Variants in LRRTM4 observed in about 807,000 individuals in gnomAD.
The protein encoded by LRRTM4 is leucine rich repeat transmembrane neuronal 4.
LRRTM4 carries 25 observed loss-of-function variants against 47.6 expected under a neutral mutation model. The observed-to-expected ratio is 0.53, with a 90% CI of 0.38 to 0.73. LRRTM4 has a LOEUF of 0.73. LRRTM4 is among the 30% of genes least tolerant of loss of function. LRRTM4 has a pLI of 0.00. For missense variants in LRRTM4, 638 were observed against 713.4 expected (o/e 0.89, Z 1.20); for synonymous variants, 311 against 269.5 (o/e 1.15, Z -1.51).
At chr2:77,048,728 A>G (rs1382412090) in intron 3 of LRRTM4, among the ~76,000 whole-genome samples, 1 of 151,890 alleles carries the variant, frequency 6.6e-6, no homozygotes, top group Non-Finnish European at 1.5e-5. Flanking sequence ...ATTCAGGGTA[A>G]TTAGCATATC....
At position 77,107,707 on chromosome 2, in the gene LRRTM4, A is replaced by T. The variant is rs376384596; in HGVS notation, c.1552-358791T>A. On this transcript the variant is annotated intron_variant, in intron 3 of 3. Coordinates refer to ENST00000409884, the MANE Select transcript of LRRTM4 (RefSeq NM_001134745.3). The stretch of plus-strand genomic sequence containing the variant: ...GTGATGCATGCCTGTAATCCTAGCT[A>T]CTTGGGAGGCTGAGGCAGGAGAATT... 4.3e-4 allele frequency among the ~76,000 whole-genome samples: 65 copies of T among 151,734 alleles called. No individual in the cohort carries two copies. The East Asian group carries it at 4.5e-3, about 11-fold the overall frequency.
chr2:77,036,357 G>C (rs1287038931), intron 3 of LRRTM4, among the ~76,000 whole-genome samples: 1 of 151,554 alleles, frequency 6.6e-6, no homozygotes, highest in Non-Finnish European at 1.5e-5. Flanking sequence ...CTAGTTTAGG[G>C]TATTTCTTCC....
chr2:77,246,452 T>C (rs978122693), intron 3 of LRRTM4, among the ~76,000 whole-genome samples: 3 of 152,182 alleles, frequency 2.0e-5, no homozygotes, highest in Non-Finnish European at 4.4e-5. Context: ...AATTGGCACA[T>C]GTGAATATTA....
intron 3 of LRRTM4, among the ~76,000 whole-genome samples, chr2:76,763,799 G>A (rs954443380): frequency 8.5e-5 from 13 of 152,226 alleles, no homozygotes; most frequent in Admixed American, 3.9e-4. Context: ...ATTCTGGTGC[G>A]GAATCACAAA....
At chr2:77,098,051 A>C (rs1670858753) in intron 3 of LRRTM4, among the ~76,000 whole-genome samples, 2 of 152,046 alleles carry the variant, frequency 1.3e-5, no homozygotes, top group African/African-American at 2.4e-5. Context: ...TGTGATGATA[A>C]ATTTGAAGAC....
intron 3 of LRRTM4, among the ~76,000 whole-genome samples, chr2:77,050,306 G>T (rs1285382044): frequency 4.6e-5 from 7 of 152,004 alleles, no homozygotes; most frequent in Non-Finnish European, 1.0e-4. Context: ...ACCACTTTTG[G>T]ATGGGCCACT....
chr2:77,188,354 CT>C (rs35595922), intron 3 of LRRTM4, among the ~76,000 whole-genome samples: 3 of 152,136 alleles, frequency 2.0e-5, no homozygotes, highest in Admixed American at 2.0e-4. Flanking sequence ...GGCTACTTTC[CT>C]TTTTCTCTAC....
chr2:76,829,765 G>A (rs1245056729), intron 3 of LRRTM4, among the ~76,000 whole-genome samples: 1 of 152,082 alleles, frequency 6.6e-6, no homozygotes. Flanking sequence ...GTATTCTGGT[G>A]TTTTAGCAGC....
At chr2:77,309,411 A>G (rs1282080744) in intron 3 of LRRTM4, among the ~76,000 whole-genome samples, 2 of 152,210 alleles carry the variant, frequency 1.3e-5, no homozygotes, top group African/African-American at 4.8e-5. Context: ...ATTGGTGCAG[A>G]TATGGCCATA....
chr2:77,373,440 G>A (rs1672723276), intron 3 of LRRTM4, among the ~76,000 whole-genome samples: 1 of 151,542 alleles, frequency 6.6e-6, no homozygotes, highest in Non-Finnish European at 1.5e-5. Context: ...AACATAGAAT[G>A]GGGCAGCTGT....
intron 3 of LRRTM4, among the ~76,000 whole-genome samples, chr2:77,450,490 C>T (rs973646881): frequency 6.6e-6 from 1 of 152,074 alleles, no homozygotes; most frequent in Non-Finnish European, 1.5e-5. Flanking sequence ...TTTATACAGT[C>T]TTTGATTCTG....
intron 3 of LRRTM4, among the ~76,000 whole-genome samples, chr2:76,961,483 AAAC>A (rs1675858523): frequency 6.6e-6 from 1 of 151,360 alleles, no homozygotes; most frequent in South Asian, 2.1e-4. Context: ...TGGCTACCTT[AAAC>A]AACATTTCAG....
chr2:76,843,254 T>C (rs570973850), intron 3 of LRRTM4, among the ~76,000 whole-genome samples: 28 of 152,154 alleles, frequency 1.8e-4, no homozygotes, highest in Non-Finnish European at 2.8e-4. Flanking sequence ...GGTTTGAAGT[T>C]TGTCCAGGGT....
At chr2:77,345,515 G>A (rs767751564) in intron 3 of LRRTM4, among the ~76,000 whole-genome samples, 2 of 151,832 alleles carry the variant, frequency 1.3e-5, no homozygotes, top group African/African-American at 2.4e-5. Context: ...CTCATTGAAG[G>A]AGATATACAG....
chr2:77,182,587 T>C (rs1673380195), intron 3 of LRRTM4, among the ~76,000 whole-genome samples: 1 of 152,146 alleles, frequency 6.6e-6, no homozygotes, highest in Non-Finnish European at 1.5e-5. Context: ...GATTTTGGGC[T>C]GAGACGATGG....
intron 3 of LRRTM4, among the ~76,000 whole-genome samples, chr2:77,311,812 A>G (rs1292653673): frequency 6.6e-6 from 1 of 152,132 alleles, no homozygotes; most frequent in East Asian, 1.9e-4. Flanking sequence ...AAGACACAAA[A>G]CCAGTGAGAA....
intron 3 of LRRTM4, among the ~76,000 whole-genome samples, chr2:77,028,956 A>AC (rs1251888500): frequency 6.7e-6 from 1 of 150,032 alleles, no homozygotes; most frequent in Non-Finnish European, 1.5e-5. Context: ...AATGGTGTGA[A>AC]CCCGGGAGGC....
chr2:77,335,953 C>A (rs1282579085), intron 3 of LRRTM4, among the ~76,000 whole-genome samples: 1 of 152,016 alleles, frequency 6.6e-6, no homozygotes, highest in Non-Finnish European at 1.5e-5. Context: ...AGCAACTGTA[C>A]ACAATACAAA....
chr2:77,028,901 G>T (rs555009920), intron 3 of LRRTM4, among the ~76,000 whole-genome samples: 7 of 151,246 alleles, frequency 4.6e-5, no homozygotes, highest in Admixed American at 4.0e-4. Context: ...TGAGCGTGGT[G>T]GTGGGGGCCT....
Sources: allele counts gnomAD v4.1 joint callset (sites outside exome capture counted in the v4.1 genomes callset), GRCh38; gene constraint gnomAD v4.1.1; transcripts MANE v1.5; gene names NCBI Gene and HGNC (gene_info 2026-07-23, HGNC 2026-07-21).